Variants in ANKH observed in about 807,000 individuals in gnomAD.
ANKH encodes mineralization regulator ANKH.
A neutral mutation model predicts 49.0 loss-of-function variants in ANKH; 15 were observed. The ratio of observed to expected loss-of-function variants is 0.31; its 90% CI spans 0.20 to 0.47. The LOEUF (loss-of-function observed/expected upper bound fraction) is 0.47, where lower values mean the gene tolerates loss of function less well. Ranked by LOEUF, ANKH falls within the 20% of genes least tolerant of loss-of-function variation. The probability of loss-of-function intolerance (pLI) is 1.00; values close to 1 mark genes in which losing one functional copy is unlikely to be tolerated. For synonymous variants in ANKH, 273 were observed against 260.0 expected (o/e 1.05, Z -0.48); for missense variants, 429 against 652.0 (o/e 0.66, Z 3.72).
At chr5:14,821,446 G>T (rs982638825) in intron 1 of ANKH, among the ~76,000 whole-genome samples, 11 of 152,202 alleles carry the variant, frequency 7.2e-5, no homozygotes, top group Admixed American at 5.2e-4. Flanking sequence ...TCGTATTCCA[G>T]ATCGGAGGGA....
At chr5:14,791,387 T>C (rs1561056932) in intron 1 of ANKH, among the ~76,000 whole-genome samples, 1 of 152,226 alleles carries the variant, frequency 6.6e-6, no homozygotes, top group South Asian at 2.1e-4. Context: ...GTGATTTCCA[T>C]AAAAAATGCA....
At chr5:14,757,858 G>A (rs1738952386) in intron 3 of ANKH, among the ~76,000 whole-genome samples, 1 of 152,170 alleles carries the variant, frequency 6.6e-6, no homozygotes, top group Admixed American at 6.5e-5. Flanking sequence ...CTGCTACGAA[G>A]ATCAGTCTGC....
At chr5:14,835,444 C>A (rs1200078573) in intron 1 of ANKH, among the ~76,000 whole-genome samples, 1 of 152,150 alleles carries the variant, frequency 6.6e-6, no homozygotes, top group Non-Finnish European at 1.5e-5. Flanking sequence ...TGTAATCAGG[C>A]CCTTCATCTT....
chr5:14,814,107 C>T (rs892737617), intron 1 of ANKH, among the ~76,000 whole-genome samples: 5 of 152,234 alleles, frequency 3.3e-5, no homozygotes, highest in Non-Finnish European at 7.3e-5. Context: ...ATCTCACACA[C>T]CAGAATCAAT....
At chr5:14,736,949 A>G (rs59068551) in intron 8 of ANKH, among the ~76,000 whole-genome samples, 28,399 of 152,182 alleles carry the variant, frequency 0.19, 2,823 homozygotes, top group African/African-American at 0.24. Flanking sequence ...TAACTCCCCA[A>G]AGTACAGCAG....
intron 1 of ANKH, chr5:14,869,582 T>C (rs1735756857): frequency 6.6e-6 from 1 of 152,246 alleles, no homozygotes; most frequent in African/African-American, 2.4e-5. Context: ...GAGTTAGAAT[T>C]ATTAGACCTG....
intron 1 of ANKH, among the ~76,000 whole-genome samples, chr5:14,860,941 C>G (rs1438912617): frequency 6.6e-6 from 1 of 151,914 alleles, no homozygotes; most frequent in South Asian, 2.1e-4. Context: ...CACCACCACA[C>G]CCGGCTAATT....
chr5:14,817,188 G>A (rs1741062862), intron 1 of ANKH, among the ~76,000 whole-genome samples: 1 of 152,162 alleles, frequency 6.6e-6, no homozygotes, highest in African/African-American at 2.4e-5. Context: ...AAAGCTTACT[G>A]ATTCTGTTTG....
At chr5:14,721,109 G>T (rs1737645484) in intron 8 of ANKH, among the ~76,000 whole-genome samples, 1 of 152,216 alleles carries the variant, frequency 6.6e-6, no homozygotes. Context: ...ATCAGTATCA[G>T]CCAAGCTGTG....
Position 14,752,954 on chromosome 5 carries a change from C to T in ANKH, c.517-1715G>A, listed in dbSNP as rs182472611. On this transcript the variant is annotated intron_variant, in intron 4 of 11. Transcript: ENST00000284268. Reference sequence around the variant, plus strand: ...TGTAGCTAAAGAGTTAGGTGAAATACACAGGAAGCTTCTCGTTGCTGTGTT... The same window carrying T: ...TGTAGCTAAAGAGTTAGGTGAAATATACAGGAAGCTTCTCGTTGCTGTGTT... Among the ~76,000 whole-genome samples, 280 of 152,300 alleles carry T rather than the reference C, an allele frequency of 1.8e-3. 2 individuals carry two copies. Among genetic ancestry groups the T allele is most frequent in the African/African-American group, 6.4e-3 (266 of 41,556 alleles).
intron 1 of ANKH, among the ~76,000 whole-genome samples, chr5:14,827,072 T>C (rs1425223897): frequency 6.6e-6 from 1 of 152,218 alleles, no homozygotes; most frequent in Non-Finnish European, 1.5e-5. Context: ...GCAGAACCAC[T>C]GTCTCCAAGG....
At chr5:14,793,068 T>TAAAATATATATA (rs34792124) in intron 1 of ANKH, among the ~76,000 whole-genome samples, 1 of 91,870 alleles carries the variant, frequency 1.1e-5, no homozygotes, top group Non-Finnish European at 2.0e-5. Context: ...AAAATATATA[T>TAAAATATATATA]AAATATATAA....
At chr5:14,716,568 C>T (rs1029251800) in intron 9 of ANKH, 138 bp downstream of exon 9, 1 of 1,073,176 alleles carries the variant, frequency 9.3e-7, no homozygotes, top group African/African-American at 1.6e-5. Context: ...AACCTACTGG[C>T]TAATGTTTTT....
At chr5:14,782,118 T>A (rs1199019257) in intron 1 of ANKH, among the ~76,000 whole-genome samples, 2 of 152,168 alleles carry the variant, frequency 1.3e-5, no homozygotes, top group East Asian at 3.8e-4. Flanking sequence ...TCAAGCTGTG[T>A]CGTCTACTGC....
chr5:14,786,768 T>C (rs900514535), intron 1 of ANKH, among the ~76,000 whole-genome samples: 6 of 152,082 alleles, frequency 3.9e-5, no homozygotes, highest in Non-Finnish European at 8.8e-5. Context: ...TATCAAGAGG[T>C]ATTATAATTA....
At chr5:14,820,081 T>G (rs1741157924) in intron 1 of ANKH, among the ~76,000 whole-genome samples, 1 of 152,210 alleles carries the variant, frequency 6.6e-6, no homozygotes. Flanking sequence ...GAAACCAGTA[T>G]TTTATAAGAA....
intron 7 of ANKH, among the ~76,000 whole-genome samples, chr5:14,743,844 A>C (rs1333842097): frequency 1.3e-5 from 2 of 152,232 alleles, no homozygotes; most frequent in East Asian, 3.8e-4. Flanking sequence ...CTCTGTGATC[A>C]AGAATAAAAC....
At position 14,713,075 on chromosome 5, in the gene ANKH, G is replaced by T; in HGVS notation, c.1266-102C>A. On this transcript the variant is annotated intron_variant, in intron 10 of 11. Coordinates refer to ENST00000284268, the MANE Select transcript of ANKH (RefSeq NM_054027.6). This position sits in a 1 kb window ranked among gnomAD's most constrained non-coding sequence, Gnocchi z 4.4. The stretch of plus-strand genomic sequence containing the variant: ...AAGTAAGTGTAGCCTCGAGACGGCT[G>T]AGACCAGCGGCGTTCTCCATCTGCT... 4.4e-6 allele frequency: 5 copies of T among 1,138,852 alleles called. No individual in the cohort carries two copies. Among genetic ancestry groups the T allele is most frequent in the Non-Finnish European group, 6.4e-6 (5 of 779,322 alleles). The allele number at this position is 1,138,852 out of a possible 1,614,324, so 70.5% of individuals were successfully genotyped here.
rs1210682070 is a variant in ANKH at position 14,850,660 on chromosome 5, C to G, written c.96+20692G>C. Among the ~76,000 whole-genome samples, 9 of 152,182 alleles carry G rather than the reference C, an allele frequency of 5.9e-5. 1 individual carries two copies. The South Asian group carries it at 1.9e-3, about 31-fold the overall frequency. On this transcript the variant is annotated intron_variant, in intron 1 of 11. Transcript: ENST00000284268. Reference sequence around the variant, plus strand: ...AAGGCAGGGTGAATGCCGTGATGCACTCTCTCCCTCTCCTGGAGCTGGCTG... The same window carrying G: ...AAGGCAGGGTGAATGCCGTGATGCAGTCTCTCCCTCTCCTGGAGCTGGCTG...
Sources: gnomAD v4.1 joint callset for allele counts (sites outside exome capture counted in the v4.1 genomes callset) on GRCh38, gnomAD v4.1.1 for gene constraint, Gnocchi (gnomAD v3.1) non-coding constraint, MANE v1.5 for transcripts, NCBI Gene and HGNC (gene_info 2026-07-23, HGNC 2026-07-21) for gene names.